Variants in ARPC3 observed in about 807,000 individuals in gnomAD.
The protein encoded by ARPC3 is actin related protein 2/3 complex subunit 3.
A neutral mutation model predicts 27.6 loss-of-function variants in ARPC3; 12 were observed. That is an observed-to-expected ratio of 0.43 (90% CI 0.28 to 0.70). ARPC3 has a LOEUF of 0.70. Among genes scored for constraint, ARPC3 ranks in the 30% least tolerant of loss-of-function variants. The pLI, the probability that ARPC3 is intolerant of heterozygous loss-of-function variation, is 0.17. For missense variants in ARPC3, 153 were observed against 207.7 expected, an observed-to-expected ratio of 0.74 and a Z score of 1.62; for synonymous variants, 53 against 67.2, an observed-to-expected ratio of 0.79 and a Z score of 1.03.
Position 110,436,592 on chromosome 12 carries a change from G to T in ARPC3, c.344C>A (p.Ala115Glu), listed in dbSNP as rs2062405164. ...TTTGTTTGCAGGTTTGGCATAAATT[G>T]CGTTAAGTGGAAAACCAGGCTCTCC... ...IPGEPGFPLN[A>E]IYAKPANKQE... is the part of the protein sequence containing the mutation. The change falls in exon 5 of 7, where the codon GCA becomes GAA. Residue 115 changes from alanine (A) to glutamate (E), a missense_variant. Physicochemically the swap from Ala to Glu is moderately radical, Grantham distance 107. Transcript: ENST00000228825. 1.2e-6 allele frequency: 2 copies of T among 1,613,322 alleles called. No individual in the cohort carries two copies. The highest frequency in any genetic ancestry group is 2.7e-5 in the African/African-American group (2 of 74,866).
intron 1 of ARPC3, 82 bp from the exon 2 acceptor site, chr12:110,445,633 A>T: frequency 9.5e-7 from 1 of 1,056,200 alleles, no homozygotes; most frequent in South Asian, 1.3e-5. Flanking sequence ...CTTAAAGGAA[A>T]AAAAGAGTAA....
chr12:110,446,159 CTTTT>C (rs1301415471), intron 1 of ARPC3, among the ~76,000 whole-genome samples: 2 of 140,724 alleles, frequency 1.4e-5, no homozygotes, highest in African/African-American at 2.6e-5. Flanking sequence ...TTCATCACTT[CTTTT>C]TTTTTTTTTG....
chr12:110,446,342 G>C (rs2062464602), intron 1 of ARPC3, among the ~76,000 whole-genome samples: 1 of 146,702 alleles, frequency 6.8e-6, no homozygotes, highest in African/African-American at 2.5e-5. Flanking sequence ...TTGTTGCCCA[G>C]GCTGGAGTGC....
chr12:110,449,958 T>C (rs183176160), intron 1 of ARPC3, among the ~76,000 whole-genome samples: 1 of 152,050 alleles, frequency 6.6e-6, no homozygotes, highest in South Asian at 2.1e-4. Context: ...TTGGCTTCGC[T>C]CTCTAGTGAG....
chr12:110,441,324 G>T (rs949772494), intron 2 of ARPC3, among the ~76,000 whole-genome samples: 2 of 151,082 alleles, frequency 1.3e-5, no homozygotes, highest in African/African-American at 2.4e-5. Flanking sequence ...GTAGAAATGG[G>T]GTTTCACCTT....
intron 3 of ARPC3, among the ~76,000 whole-genome samples, chr12:110,438,790 C>T (rs373109910): frequency 2.0e-5 from 3 of 147,026 alleles, no homozygotes; most frequent in Non-Finnish European, 4.5e-5. Context: ...ATTACAGGCA[C>T]GCACCACCAC....
intron 1 of ARPC3, among the ~76,000 whole-genome samples, chr12:110,446,266 G>C (rs2062463734): frequency 1.3e-5 from 2 of 150,886 alleles, no homozygotes; most frequent in Admixed American, 6.6e-5. Context: ...TGGGACTACA[G>C]GTGTGAGCCA....
At position 110,450,299 on chromosome 12, in the gene ARPC3, C is replaced by G; in HGVS notation, c.-39G>C. The G allele has an allele frequency of 6.2e-7, 1 of 1,613,804 alleles. No individual in the cohort carries two copies. Among genetic ancestry groups the G allele is most frequent in the Non-Finnish European group, 8.5e-7 (1 of 1,179,882 alleles). On this transcript the variant is annotated 5_prime_UTR_variant, in exon 1 of 7. Transcript: ENST00000228825. ...GGGTTTCAACCCAGAGGAGCAGGATCCAGGTACAGCGGAGCGCTTCCGGTC... is the reference window on the plus strand; with the variant it reads ...GGGTTTCAACCCAGAGGAGCAGGATGCAGGTACAGCGGAGCGCTTCCGGTC...
chr12:110,444,038 C>T (rs368973690), intron 2 of ARPC3, among the ~76,000 whole-genome samples: 1 of 150,004 alleles, frequency 6.7e-6, no homozygotes, highest in East Asian at 2.0e-4. Context: ...GACATGATCT[C>T]GGCACACTGC....
At chr12:110,446,485 C>T (rs1030097842) in intron 1 of ARPC3, among the ~76,000 whole-genome samples, 1 of 149,422 alleles carries the variant, frequency 6.7e-6, no homozygotes, top group Non-Finnish European at 1.5e-5. Context: ...TTGGTAGAGA[C>T]GATGTTTCTC....
chr12:110,438,857 G>A, intron 3 of ARPC3, among the ~76,000 whole-genome samples: 1 of 151,664 alleles, frequency 6.6e-6, no homozygotes, highest in Admixed American at 6.6e-5. Flanking sequence ...TGGTCAGGCT[G>A]GTCTCAAGCT....
Position 110,442,626 on chromosome 12 carries a change from A to T in ARPC3, c.107-2238T>A, listed in dbSNP as rs994287014. On this transcript the variant is annotated intron_variant, in intron 2 of 6. Coordinates refer to ENST00000228825, the MANE Select transcript of ARPC3 (RefSeq NM_001278556.2). Reference sequence around the variant, plus strand: ...CCATCTCAAAAAAGTAATAATAAAAAATATATATAATTAAATAAAATAAAA... The same window carrying T: ...CCATCTCAAAAAAGTAATAATAAAATATATATATAATTAAATAAAATAAAA... The T allele has an allele frequency of 1.4e-4, 22 of 151,746 alleles. 1 individual carries two copies. Among genetic ancestry groups the T allele is most frequent in the African/African-American group, 5.3e-4 (22 of 41,484 alleles). The allele number at this position is 151,746 out of a possible 1,614,324, so 9.4% of individuals were successfully genotyped here. A position where few individuals can be genotyped will look rare whatever the true frequency, so the allele number is the denominator to read the frequency against.
Position 110,435,979 on chromosome 12 carries a change from T to C in ARPC3, c.474+131A>G, listed in dbSNP as rs1449689917. ...GAACTCATATTACATACTAGACATA[T>C]ACTGGAAGTTAAGCAACATTGCAAT... On this transcript the variant is annotated intron_variant, in intron 6 of 6. Coordinates refer to ENST00000228825, the MANE Select transcript of ARPC3 (RefSeq NM_001278556.2). 6.3e-6 allele frequency: 5 copies of C among 794,048 alleles called. No individual in the cohort carries two copies. In the East Asian group the frequency reaches 9.8e-5, roughly 16 times the overall value. 49.2% of individuals were successfully genotyped at this position (794,048 alleles called of 1,614,324 possible).
At chr12:110,436,429 A>G in intron 5 of ARPC3, 128 bp downstream of exon 5, 3 of 1,479,370 alleles carry the variant, frequency 2.0e-6, no homozygotes, top group Non-Finnish European at 1.9e-6. Flanking sequence ...GACTAATAAG[A>G]TAATGTACTT....
Position 110,440,338 on chromosome 12 carries a change from C to T in ARPC3, c.157G>A (p.Val53Ile). 1 of 1,610,672 alleles carries T rather than the reference C, an allele frequency of 6.2e-7. No homozygotes were observed. The highest frequency in any genetic ancestry group is 8.5e-7 in the Non-Finnish European group (1 of 1,177,008). ...DEAIYYFKAN[V>I]FFKNYEIKNE... ...TTAATTTCATAGTTTTTGAAGAAGA[C>T]ATTGGCCTTGAAGTAATAGATGGCT... is the stretch of plus-strand genomic sequence containing the variant. The change falls in exon 3 of 7, where the codon GTC (valine) becomes ATC (isoleucine). Residue 53 changes from valine to isoleucine, a missense_variant. By Grantham distance (29) the Val-to-Ile change is conservative (BLOSUM62 3). Coordinates refer to ENST00000228825, the MANE Select transcript of ARPC3 (RefSeq NM_001278556.2).
intron 2 of ARPC3, among the ~76,000 whole-genome samples, chr12:110,441,673 G>A (rs962815973): frequency 4.6e-5 from 7 of 151,232 alleles, no homozygotes; most frequent in Admixed American, 2.6e-4. Flanking sequence ...CGGGACTACA[G>A]GCATGCACCA....
intron 6 of ARPC3, 36 bp downstream of exon 6, chr12:110,436,074 G>C: frequency 6.7e-7 from 1 of 1,501,340 alleles, no homozygotes; most frequent in Non-Finnish European, 9.3e-7. Context: ...GATAAAAGGT[G>C]ATTTACCAAT....
chr12:110,449,444 CT>C (rs1219293894), intron 1 of ARPC3, among the ~76,000 whole-genome samples: 1 of 152,016 alleles, frequency 6.6e-6, no homozygotes, highest in Non-Finnish European at 1.5e-5. Context: ...CGCCTGTAAT[CT>C]CAGCTACCCG....
chr12:110,436,035 G>C lies in ARPC3; in HGVS notation c.474+75C>G, dbSNP rs559691534. ...AATTAAAAATATTCTTGCAATGGAAGACCTTAGTGTGTTCAATGGTGGCTA... is the reference window on the plus strand; with the variant it reads ...AATTAAAAATATTCTTGCAATGGAACACCTTAGTGTGTTCAATGGTGGCTA... On this transcript the variant is annotated intron_variant, in intron 6 of 6. Coordinates refer to ENST00000228825, the MANE Select transcript of ARPC3 (RefSeq NM_001278556.2). The C allele has an allele frequency of 2.3e-5, 26 of 1,112,480 alleles. No homozygotes were observed. The South Asian group carries it at 3.2e-4, about 14-fold the overall frequency. 68.9% of individuals were successfully genotyped at this position (1,112,480 alleles called of 1,614,324 possible).
Sources: allele counts gnomAD v4.1 joint callset (sites outside exome capture counted in the v4.1 genomes callset), GRCh38; gene constraint gnomAD v4.1.1; transcripts MANE v1.5; gene names NCBI Gene and HGNC (gene_info 2026-07-23, HGNC 2026-07-21).